Variants in HYDIN observed in about 807,000 individuals in gnomAD.
HYDIN encodes the protein axonemal central pair apparatus protein HYDIN.
In HYDIN, 132 loss-of-function variants were observed where a neutral mutation model predicts 403.9. The observed-to-expected ratio is 0.33, with a 90% CI of 0.28 to 0.38. HYDIN has a LOEUF of 0.38. Among genes scored for constraint, HYDIN ranks in the 10% least tolerant of loss-of-function variants. The pLI, the probability that HYDIN is intolerant of heterozygous loss-of-function variation, is 1.00. For missense variants in HYDIN, 2,827 were observed against 5,009.5 expected (o/e 0.56, Z 13.15); for synonymous variants, 1,202 against 1,891.7 (o/e 0.64, Z 9.46).
intron 1 of HYDIN, among the ~76,000 whole-genome samples, chr16:71,198,476 A>C (rs2087816752): frequency 6.6e-6 from 1 of 152,126 alleles, no homozygotes; most frequent in Admixed American, 6.5e-5. Context: ...AGTTGTGAAG[A>C]ATAACTGTAG....
At chr16:71,131,890 G>A (rs1028402490) in intron 8 of HYDIN, 1 of 152,016 alleles carries the variant, frequency 6.6e-6, no homozygotes, top group African/African-American at 2.4e-5. Flanking sequence ...GGAATAATAA[G>A]CAGCCAGTAA....
chr16:70,854,554 A>C lies in HYDIN; in HGVS notation c.12443+574T>G, dbSNP rs1243750107. On this transcript the variant is annotated intron_variant, in intron 73 of 85. Coordinates refer to ENST00000393567, the MANE Select transcript of HYDIN (RefSeq NM_001270974.2). ...CTCAGTCTCTCGAGTAGCTGGGATT[A>C]CAGGCGCCCGCCAACACGCCTGGCT... 2.0e-5 allele frequency among the ~76,000 whole-genome samples: 3 copies of C among 151,162 alleles called. No individual in the cohort carries two copies. The East Asian group carries it at 5.9e-4, about 29-fold the overall frequency.
At chr16:71,176,987 G>A (rs1202528574) in intron 4 of HYDIN, among the ~76,000 whole-genome samples, 1 of 152,192 alleles carries the variant, frequency 6.6e-6, no homozygotes, top group African/African-American at 2.4e-5. Context: ...GAGGAGCAGG[G>A]TCACATCAGC....
chr16:70,818,999 C>A (rs2036043734), intron 83 of HYDIN, among the ~76,000 whole-genome samples: 1 of 151,878 alleles, frequency 6.6e-6, no homozygotes, highest in South Asian at 2.1e-4. Context: ...CTGCAACTCC[C>A]ACCTTCCGGG....
chr16:70,841,063 T>C (rs2037787213), intron 75 of HYDIN, among the ~76,000 whole-genome samples: 1 of 151,898 alleles, frequency 6.6e-6, no homozygotes. Context: ...TAAACATTAT[T>C]AGAATAAGTC....
chr16:71,040,909 A>C (rs2081265841), intron 18 of HYDIN, among the ~76,000 whole-genome samples: 1 of 136,686 alleles, frequency 7.3e-6, no homozygotes, highest in African/African-American at 2.8e-5. Flanking sequence ...CTCCACTCAA[A>C]TGTTCCGACC....
chr16:71,037,189 G>A (rs893318407), intron 18 of HYDIN, among the ~76,000 whole-genome samples: 3 of 146,494 alleles, frequency 2.0e-5, no homozygotes, highest in Admixed American at 6.8e-5. Context: ...CTGTGGGGAC[G>A]GATGAGTGAG....
rs372821809 is a variant in HYDIN, at chr16:71,017,111, G to A, written c.3644+1018C>T. Among the ~76,000 whole-genome samples the A allele has an allele frequency of 8.2e-3, 1,240 of 151,958 alleles. 9 individuals carry two copies. The highest frequency in any genetic ancestry group is 0.028 in the South Asian group (132 of 4,784). On this transcript the variant is annotated intron_variant, in intron 23 of 85. Coordinates refer to ENST00000393567, the MANE Select transcript of HYDIN (RefSeq NM_001270974.2). Reference sequence around the variant, plus strand: ...TCCCAGCACCTTGGCAGGCCGAGGCGGGCGGATTACCTGAGGTCAAGAGTT... The same window carrying A: ...TCCCAGCACCTTGGCAGGCCGAGGCAGGCGGATTACCTGAGGTCAAGAGTT...
intron 9 of HYDIN, 89 bp from the exon 10 acceptor site, chr16:71,115,884 T>C (rs2084008217): frequency 1.2e-6 from 1 of 821,654 alleles, no homozygotes; most frequent in Non-Finnish European, 2.0e-6. Flanking sequence ...TCCAATAAAT[T>C]TTTTTTTCAT....
At chr16:70,817,336 GA>G (rs2035903910) in intron 84 of HYDIN, 1 of 151,196 alleles carries the variant, frequency 6.6e-6, no homozygotes, top group Non-Finnish European at 1.5e-5. Context: ...ATATGCTGTG[GA>G]ACAACGTATG....
At position 71,045,409 on chromosome 16, in the gene HYDIN, A is replaced by AT. The variant is rs1417815292; in HGVS notation, c.2530-13493dup. 2.0e-5 allele frequency among the ~76,000 whole-genome samples: 3 copies of AT among 152,212 alleles called. No individual in the cohort carries two copies. In the East Asian group the frequency reaches 5.8e-4, roughly 29 times the overall value. On this transcript the variant is annotated intron_variant, in intron 18 of 85. Transcript: ENST00000393567. Reference sequence around the variant, plus strand: ...GGTCAAGCAATTGTTCTACTGCTTGATTTCTCTATTTGTTGAAAAAGTAGT... The same window carrying AT: ...GGTCAAGCAATTGTTCTACTGCTTGATTTTCTCTATTTGTTGAAAAAGTAGT...
At chr16:71,167,128 G>C (rs1299752108) in intron 5 of HYDIN, among the ~76,000 whole-genome samples, 1 of 151,752 alleles carries the variant, frequency 6.6e-6, no homozygotes. Flanking sequence ...AAATTGAGTT[G>C]TTAGACTGTT....
At chr16:71,011,848 C>T (rs1475473380) in intron 23 of HYDIN, among the ~76,000 whole-genome samples, 1 of 151,402 alleles carries the variant, frequency 6.6e-6, no homozygotes, top group East Asian at 1.9e-4. Flanking sequence ...CTCTTCCAAT[C>T]TCCATATTGG....
chr16:70,860,005 T>G, intron 71 of HYDIN, 63 bp downstream of exon 71: 1 of 1,519,864 alleles, frequency 6.6e-7, no homozygotes, highest in Non-Finnish European at 8.9e-7. Flanking sequence ...ATGGCACACT[T>G]TCCACACAGC....
intron 37 of HYDIN, among the ~76,000 whole-genome samples, chr16:70,962,912 G>A (rs930719221): frequency 6.7e-6 from 1 of 149,784 alleles, no homozygotes; most frequent in Non-Finnish European, 1.5e-5. Flanking sequence ...GCTCATCAGA[G>A]AGGCACTGGT....
intron 18 of HYDIN, among the ~76,000 whole-genome samples, chr16:71,042,292 T>C (rs4788512): frequency 0.46 from 70,138 of 151,980 alleles, 16,627 homozygotes; most frequent in African/African-American, 0.5. Flanking sequence ...AATCCTTACC[T>C]GTCAACACAG....
intron 21 of HYDIN, among the ~76,000 whole-genome samples, chr16:71,024,408 C>T (rs2080613542): frequency 6.6e-6 from 1 of 151,938 alleles, no homozygotes; most frequent in African/African-American, 2.4e-5. Flanking sequence ...TCAAGAAAGT[C>T]ATTCATGACC....
intron 6 of HYDIN, 47 bp downstream of exon 6, chr16:71,162,484 A>C (rs1434752162): frequency 1.6e-6 from 2 of 1,244,032 alleles, no homozygotes; most frequent in Non-Finnish European, 2.4e-6. Flanking sequence ...TGAGCTGACT[A>C]GATTTAGCTA....
intron 4 of HYDIN, among the ~76,000 whole-genome samples, chr16:71,177,912 G>A (rs2086735857): frequency 6.6e-6 from 1 of 152,066 alleles, no homozygotes; most frequent in African/African-American, 2.4e-5. Context: ...AAAGTCATAA[G>A]GCTGAAAAAG....
Sources: gnomAD v4.1 joint callset for allele counts (sites outside exome capture counted in the v4.1 genomes callset) on GRCh38, gnomAD v4.1.1 for gene constraint, MANE v1.5 for transcripts, NCBI Gene and HGNC (gene_info 2026-07-23, HGNC 2026-07-21) for gene names.